PI4KA: variants seen among roughly 807,000 people sequenced by gnomAD.
PI4KA encodes phosphatidylinositol 4-kinase alpha, also known as PI4-kinase alpha.
PI4KA carries 122 observed loss-of-function variants against 271.4 expected under a neutral mutation model. The ratio of observed to expected loss-of-function variants is 0.45; its 90% confidence interval spans 0.39 to 0.52. The LOEUF is 0.52. Among genes scored for constraint, PI4KA ranks in the 20% least tolerant of loss-of-function variants. The pLI, the probability that PI4KA is intolerant of heterozygous loss-of-function variation, is 0.00. For missense variants in PI4KA, 1,969 were observed against 2,769.1 expected (o/e 0.71, Z 6.48); for synonymous variants, 1,041 against 1,078.8 (o/e 0.96, Z 0.69).
chr22:20,835,597 T>C (rs2147766200), intron 2 of PI4KA, among the ~76,000 whole-genome samples: 1 of 152,148 alleles, frequency 6.6e-6, no homozygotes, highest in South Asian at 2.1e-4. Flanking sequence ...CTGGGTGCAG[T>C]GGGACGTGCC....
intron 36 of PI4KA, 30 bp from the exon 37 acceptor site, chr22:20,730,041 G>A (rs762719561): frequency 1.2e-6 from 2 of 1,609,256 alleles, no homozygotes; most frequent in Non-Finnish European, 1.7e-6. Flanking sequence ...TGATTCTAGA[G>A]TGAGGTGGCT....
intron 19 of PI4KA, among the ~76,000 whole-genome samples, chr22:20,785,056 AG>A (rs1934106530): frequency 6.6e-6 from 1 of 151,028 alleles, no homozygotes; most frequent in Admixed American, 6.6e-5. Context: ...CTCTTGAGAA[AG>A]GGACTGCATC....
At chr22:20,721,262 C>T in intron 43 of PI4KA, 36 bp downstream of exon 43, 1 of 1,612,092 alleles carries the variant, frequency 6.2e-7, no homozygotes, top group Non-Finnish European at 8.5e-7. Flanking sequence ...GCACTGAAGA[C>T]AGTAAGTGAG....
chr22:20,825,067 C>T (rs1469887968), intron 3 of PI4KA, among the ~76,000 whole-genome samples: 1 of 850 alleles, frequency 1.2e-3, no homozygotes, highest in Non-Finnish European at 3.3e-3. Flanking sequence ...GAGACGCCAT[C>T]TCAAAAAAAA....
intron 25 of PI4KA, 90 bp from the exon 26 acceptor site, chr22:20,751,845 A>C (rs376083168): frequency 8.8e-7 from 1 of 1,141,654 alleles, no homozygotes; most frequent in Non-Finnish European, 1.3e-6. Context: ...GCCCGAGCCC[A>C]TATCTGCTTC....
chr22:20,850,677 T>G (rs916486109), intron 1 of PI4KA, among the ~76,000 whole-genome samples: 2 of 151,762 alleles, frequency 1.3e-5, no homozygotes, highest in African/African-American at 4.8e-5. Flanking sequence ...GACCTCGTGA[T>G]CCGCCCGCCT....
intron 7 of PI4KA, among the ~76,000 whole-genome samples, chr22:20,816,500 C>T (rs558492682): frequency 4.6e-4 from 70 of 152,088 alleles, no homozygotes; most frequent in Non-Finnish European, 8.8e-4. Flanking sequence ...ATAGAAGGAC[C>T]GGCTGTAAGA....
intron 4 of PI4KA, among the ~76,000 whole-genome samples, chr22:20,824,112 A>G (rs1398582724): frequency 1.3e-5 from 2 of 151,958 alleles, no homozygotes; most frequent in Non-Finnish European, 2.9e-5. Context: ...GAAAAAAGAA[A>G]AAAAAAAAAA....
chr22:20,807,259 G>A, intron 10 of PI4KA, 103 bp downstream of exon 10: 13 of 699,368 alleles, frequency 1.9e-5, no homozygotes, highest in Middle Eastern at 3.1e-4. Context: ...TTTTTCAGTG[G>A]CCCCAGCAGA....
intron 27 of PI4KA, among the ~76,000 whole-genome samples, chr22:20,750,670 G>A (rs1247105657): frequency 6.6e-6 from 1 of 152,246 alleles, no homozygotes; most frequent in Non-Finnish European, 1.5e-5. Flanking sequence ...ATCCTCTTCG[G>A]TGCCACACCA....
Position 20,726,797 on chromosome 22 carries a change from T to C in PI4KA, c.4942-256A>G, listed in dbSNP as rs111615927. 8.1e-3 allele frequency among the ~76,000 whole-genome samples: 1,236 copies of C among 152,288 alleles called. 6 individuals are homozygous for C. The highest frequency in any genetic ancestry group is 0.034 in the Middle Eastern group (10 of 294). On this transcript the variant is annotated intron_variant, in intron 41 of 54. Coordinates refer to ENST00000255882, the MANE Select transcript of PI4KA (RefSeq NM_058004.4). ...AGGGAGCCTGCCTCAGGGAATGGTC[T>C]GCTGTGGGTCAGACTCTAGAATATT...
At chr22:20,832,494 C>T (rs1047702868) in intron 3 of PI4KA, among the ~76,000 whole-genome samples, 10 of 152,058 alleles carry the variant, frequency 6.6e-5, no homozygotes, top group South Asian at 4.1e-4. Flanking sequence ...CACTCTGTTA[C>T]CCAGGCTGAA....
intron 36 of PI4KA, 129 bp from the exon 37 acceptor site, chr22:20,730,140 C>T (rs1274785290): frequency 1.5e-5 from 15 of 971,152 alleles, no homozygotes; most frequent in Middle Eastern, 2.2e-4. Context: ...GTCCTGGAAT[C>T]GACTGCAGGA....
Position 20,807,359 on chromosome 22 carries a change from C to A in PI4KA, c.1168+3G>T, listed in dbSNP as rs1332558244. 6 of 1,587,378 alleles carry A rather than the reference C, an allele frequency of 3.8e-6. No individual in the cohort carries two copies. Among genetic ancestry groups the A allele is most frequent in the Admixed American group, 1.7e-5 (1 of 59,954 alleles). On this transcript the variant is annotated splice_donor_region_variant and intron_variant, in intron 10 of 54. Transcript: ENST00000255882. ...CACAAACACATGGGCAAACTGTCCT[C>A]ACCCTTCATGTAGTACAGAGTGTCA...
intron 1 of PI4KA, among the ~76,000 whole-genome samples, chr22:20,846,006 C>A (rs1267700594): frequency 2.0e-5 from 3 of 152,038 alleles, no homozygotes; most frequent in African/African-American, 7.2e-5. Context: ...GCCTGTAATC[C>A]CAACACTTTG....
chr22:20,732,333 T>C (rs1928172823), intron 36 of PI4KA, among the ~76,000 whole-genome samples: 1 of 152,194 alleles, frequency 6.6e-6, no homozygotes, highest in South Asian at 2.1e-4. Context: ...TGAGCCAAGA[T>C]TGCGCTACTG....
intron 1 of PI4KA, among the ~76,000 whole-genome samples, chr22:20,843,730 A>T (rs1218374228): frequency 3.9e-5 from 6 of 152,188 alleles, no homozygotes; most frequent in African/African-American, 1.4e-4. Context: ...AACTAGGTCC[A>T]GATAAGTTAA....
intron 18 of PI4KA, among the ~76,000 whole-genome samples, chr22:20,793,982 C>T (rs1934814890): frequency 6.6e-6 from 1 of 152,252 alleles, no homozygotes; most frequent in African/African-American, 2.4e-5. Context: ...GCTTCGCATG[C>T]ACTAACTTCT....
At chr22:20,728,978 G>A (rs1435327777) in intron 39 of PI4KA, among the ~76,000 whole-genome samples, 6 of 152,174 alleles carry the variant, frequency 3.9e-5, no homozygotes, top group Admixed American at 1.3e-4. Context: ...TCCCCAAGGC[G>A]GTTCCGGCAG....
Sources: gnomAD v4.1 joint callset for allele counts (sites outside exome capture counted in the v4.1 genomes callset) on GRCh38, gnomAD v4.1.1 for gene constraint, MANE v1.5 for transcripts, NCBI Gene and HGNC (gene_info 2026-07-23, HGNC 2026-07-21) for gene names.